Variants in ADAM12 observed in about 807,000 individuals in gnomAD.
ADAM12 encodes the protein ADAM metallopeptidase domain 12.
ADAM12 carries 70 observed loss-of-function variants against 106.4 expected under a neutral mutation model. The ratio of observed to expected loss-of-function variants is 0.66; its 90% confidence interval spans 0.54 to 0.80. The LOEUF (loss-of-function observed/expected upper bound fraction) is 0.80. Ranked by LOEUF, ADAM12 falls within the 30% of genes least tolerant of loss-of-function variation. The pLI, the probability that ADAM12 is intolerant of heterozygous loss-of-function variation, is 0.00. For missense variants in ADAM12, 1,010 were observed against 1,171.9 expected, an observed-to-expected ratio of 0.86 and a Z score of 2.02; for synonymous variants, 420 against 433.5, an observed-to-expected ratio of 0.97 and a Z score of 0.39.
rs1954423207 is a variant in ADAM12 at position 126,049,634 on chromosome 10, C to T, written c.1645G>A (p.Val549Ile). The T allele has an allele frequency of 6.2e-7, 1 of 1,614,072 alleles. No homozygotes were observed. Among genetic ancestry groups the T allele is most frequent in the African/African-American group, 1.3e-5 (1 of 74,920 alleles). Residue 549 changes from valine (V) to isoleucine (I), a missense_variant, in exon 15 of 23, where the codon GTC (valine) becomes ATC (isoleucine). Around this residue, in one of 3 missense-constraint regions of ADAM12, gnomAD observed 615 missense variants for 708.5 expected, o/e 0.87. Coordinates refer to ENST00000448723, the MANE Select transcript of ADAM12 (RefSeq NM_001288973.2). The surrounding 1 kb of genome is among the most constrained non-coding windows in gnomAD (Gnocchi z 4.4). Reference protein sequence around the residue: ...KPAPGICFERVNSAGDPYGNC... With the variant: ...KPAPGICFERINSAGDPYGNC... Reference sequence around the variant, plus strand: ...CCATAAGGATCACCTGCAGAATTGACTCTCTCAAAGCAGATCCCAGGGGCA... The same window carrying T: ...CCATAAGGATCACCTGCAGAATTGATTCTCTCAAAGCAGATCCCAGGGGCA...
chr10:126,199,430 G>A (rs916287327), intron 3 of ADAM12, among the ~76,000 whole-genome samples: 8 of 152,112 alleles, frequency 5.3e-5, no homozygotes, highest in South Asian at 2.1e-4. Flanking sequence ...CAATTTCAAC[G>A]ACTACCCATG....
In ADAM12 at chr10:126,118,050, T is replaced by C; in HGVS notation, c.591A>G (p.Thr197=). The change falls in exon 6 of 23, where the codon ACA becomes ACG. Residue 197 remains threonine (T), a synonymous_variant. Transcript: ENST00000448723. ...GTATCCCCCTTACCCTTCTTGCCCA[T>C]GTCTGAGAGGGTGGTGGAAACACAT... ...AKNVFPPPSQ[T]WARRHKRETL... 1.2e-6 allele frequency: 2 copies of C among 1,614,116 alleles called. No homozygotes were observed. The highest frequency in any genetic ancestry group is 1.7e-5 in the Admixed American group (1 of 60,024).
At chr10:126,316,225 GT>G (rs1280936383) in intron 2 of ADAM12, among the ~76,000 whole-genome samples, 1 of 152,184 alleles carries the variant, frequency 6.6e-6, no homozygotes, top group Non-Finnish European at 1.5e-5. Flanking sequence ...TTTTAATGCA[GT>G]TTTTAAAAGG....
intron 3 of ADAM12, among the ~76,000 whole-genome samples, chr10:126,278,044 C>T (rs144839163): frequency 6.6e-5 from 10 of 152,210 alleles, no homozygotes; most frequent in Middle Eastern, 3.4e-3. Context: ...TGAGGGCCTG[C>T]GACCTCTACT....
intron 21 of ADAM12, among the ~76,000 whole-genome samples, chr10:126,026,170 CAG>C (rs1433411635): frequency 6.6e-6 from 1 of 152,002 alleles, no homozygotes; most frequent in Admixed American, 6.5e-5. Context: ...AAATGGAAAA[CAG>C]AAAAAAGTAG....
intron 18 of ADAM12, chr10:126,042,281 C>G: frequency 6.2e-7 from 1 of 1,604,610 alleles, no homozygotes; most frequent in Middle Eastern, 1.7e-4. Flanking sequence ...CCTGAATTGC[C>G]CAATAAGAAC....
chr10:126,300,765 A>T (rs1323506335), intron 2 of ADAM12, among the ~76,000 whole-genome samples: 1 of 152,056 alleles, frequency 6.6e-6, no homozygotes, highest in Non-Finnish European at 1.5e-5. Flanking sequence ...AACCTTTAAA[A>T]CCCTGACGTA....
At chr10:126,215,611 G>C (rs1957973591) in intron 3 of ADAM12, among the ~76,000 whole-genome samples, 1 of 152,190 alleles carries the variant, frequency 6.6e-6, no homozygotes, top group Admixed American at 6.5e-5. Context: ...AGGCCAGGAG[G>C]AAACTGGAAA....
chr10:126,086,666 AAAAAAAAAAAAAAAATATAT>A (rs1359927646), intron 11 of ADAM12, among the ~76,000 whole-genome samples: 2 of 50,346 alleles, frequency 4.0e-5, no homozygotes, highest in Non-Finnish European at 6.0e-5. Context: ...AAAAAAAAAA[AAAAAAAAAAAAAAAATATAT>A]ATATATATAT....
rs140857465 is a variant in ADAM12 at position 126,063,287 on chromosome 10, T to C, written c.1609+1519A>G. Among the ~76,000 whole-genome samples the C allele has an allele frequency of 9.5e-4, 144 of 151,776 alleles. 1 individual carries two copies. The South Asian group carries it at 0.013, about 14-fold the overall frequency. On this transcript the variant is annotated intron_variant, in intron 14 of 22. Coordinates refer to ENST00000448723, the MANE Select transcript of ADAM12 (RefSeq NM_001288973.2). ...CTTGCTACCAAGCTGCCCTTTCTTT[T>C]CCCCCCCAGAAAGCTCCAAGTACAG...
intron 1 of ADAM12, among the ~76,000 whole-genome samples, chr10:126,365,465 C>T (rs1855877167): frequency 6.6e-6 from 1 of 152,076 alleles, no homozygotes; most frequent in South Asian, 2.1e-4. Flanking sequence ...TGTTCTCAGG[C>T]TGCTATGAAG....
chr10:126,014,833 T>TTTTA lies in ADAM12; in HGVS notation c.*2445_*2446insTAAA, dbSNP rs1953633585. On this transcript the variant is annotated 3_prime_UTR_variant, in exon 23 of 23. Transcript: ENST00000448723. ...TATTATTCATGCCTATACAGTCTTT[T>TTTTA]AAAAAAATACTAGATTGCCATTGAA... 2.6e-5 allele frequency: 4 copies of TTTTA among 151,720 alleles called. No individual in the cohort carries two copies. Among genetic ancestry groups the TTTTA allele is most frequent in the African/African-American group, 9.7e-5 (4 of 41,244 alleles). 9.4% of individuals were successfully genotyped at this position (151,720 alleles called of 1,614,324 possible). A position where few individuals can be genotyped will look rare whatever the true frequency, so the allele number is the denominator to read the frequency against.
chr10:126,046,411 A>G (rs1260988028), intron 16 of ADAM12, among the ~76,000 whole-genome samples: 1 of 152,178 alleles, frequency 6.6e-6, no homozygotes, highest in African/African-American at 2.4e-5. Context: ...TATAACTTTC[A>G]GTTGATCCTA....
chr10:126,319,227 C>A (rs1313300734), intron 2 of ADAM12, among the ~76,000 whole-genome samples: 1 of 152,148 alleles, frequency 6.6e-6, no homozygotes, highest in African/African-American at 2.4e-5. Context: ...TCCAGGGGTG[C>A]AGCGTAACTC....
intron 22 of ADAM12, among the ~76,000 whole-genome samples, chr10:126,017,870 T>C (rs1047934814): frequency 3.7e-4 from 56 of 152,192 alleles, no homozygotes; most frequent in African/African-American, 1.4e-3. Context: ...AATCAGCAAC[T>C]GACCAGAGGT....
intron 5 of ADAM12, among the ~76,000 whole-genome samples, chr10:126,132,524 A>C (rs1027205871): frequency 6.0e-3 from 728 of 120,730 alleles, no homozygotes; most frequent in Middle Eastern, 0.022. Flanking sequence ...CTGCATGAAC[A>C]CCCCCCCCCC....
In ADAM12 at chr10:126,307,163, T is replaced by C. The variant is rs1180233499; in HGVS notation, c.186+23249A>G. 3.3e-5 allele frequency among the ~76,000 whole-genome samples: 5 copies of C among 152,226 alleles called. No homozygotes were observed. The East Asian group carries it at 9.6e-4, about 29-fold the overall frequency. On this transcript the variant is annotated intron_variant, in intron 2 of 22. Coordinates refer to ENST00000448723, the MANE Select transcript of ADAM12 (RefSeq NM_001288973.2). ...TAATTTTAGATATTGATCATATTATTCAGTTATAGAATCATATTTGTAGAA... is the reference window on the plus strand; with the variant it reads ...TAATTTTAGATATTGATCATATTATCCAGTTATAGAATCATATTTGTAGAA...
At chr10:126,192,247 T>C (rs549771476) in intron 3 of ADAM12, among the ~76,000 whole-genome samples, 1 of 152,318 alleles carries the variant, frequency 6.6e-6, no homozygotes, top group South Asian at 2.1e-4. Flanking sequence ...TTGTGGTCCT[T>C]ATGAGAACTG....
rs1027512113 is a variant in ADAM12 at position 126,117,978 on chromosome 10, G to A, written c.603+60C>T. ...ACATTTCTCCAGATGTCCTAGTGTG[G>A]GGTATCCGTAGCTTGAGCTCCTAGC... is the stretch of plus-strand genomic sequence containing the variant. On this transcript the variant is annotated intron_variant, in intron 6 of 22. Coordinates refer to ENST00000448723, the MANE Select transcript of ADAM12 (RefSeq NM_001288973.2). 5.1e-6 allele frequency: 8 copies of A among 1,562,192 alleles called. No individual in the cohort carries two copies. In the East Asian group the frequency reaches 1.6e-4, roughly 31 times the overall value.
Sources: gnomAD v4.1 joint callset for allele counts (sites outside exome capture counted in the v4.1 genomes callset) on GRCh38, gnomAD v4.1.1 for gene constraint, gnomAD v4.1.1 regional missense constraint, Gnocchi (gnomAD v3.1) non-coding constraint, MANE v1.5 for transcripts, NCBI Gene and HGNC (gene_info 2026-07-23, HGNC 2026-07-21) for gene names.